UBR3: variants seen among roughly 807,000 people sequenced by gnomAD.
UBR3 encodes the protein E3 ubiquitin-protein ligase UBR3.
UBR3 carries 85 observed loss-of-function variants against 243.2 expected under a neutral mutation model. The ratio of observed to expected loss-of-function variants is 0.35; its 90% CI spans 0.29 to 0.42. UBR3 has a LOEUF of 0.42. Ranked by LOEUF, UBR3 falls within the 10% of genes least tolerant of loss-of-function variation. The probability of loss-of-function intolerance (pLI) is 1.00; values close to 1 mark genes in which losing one functional copy is unlikely to be tolerated. For synonymous variants in UBR3, 748 were observed against 799.8 expected (o/e 0.94, Z 1.09); for missense variants, 1,686 against 2,300.8 (o/e 0.73, Z 5.47).
At chr2:170,075,559 A>G (rs2091789892) in intron 36 of UBR3, among the ~76,000 whole-genome samples, 1 of 152,188 alleles carries the variant, frequency 6.6e-6, no homozygotes, top group Non-Finnish European at 1.5e-5. Flanking sequence ...GAGGCAGTGT[A>G]GTAGACATTT....
intron 7 of UBR3, 105 bp from the exon 8 acceptor site, chr2:169,896,402 A>G (rs1030007371): frequency 9.0e-6 from 6 of 668,446 alleles, no homozygotes; most frequent in South Asian, 3.7e-5. Context: ...GGGCATTATT[A>G]TAAATTAGTA....
chr2:169,986,583 A>C lies in UBR3; in HGVS notation c.3635-62A>C, dbSNP rs771371118. On this transcript the variant is annotated intron_variant, in intron 24 of 38. Transcript: ENST00000272793. ...TGTTTGAACTTGATTTTTCTCTCAC[A>C]CTTTCATTGAAGAGAGATTTTCCTC... The C allele has an allele frequency of 2.0e-6, 3 of 1,503,434 alleles. No individual in the cohort carries two copies. The African/African-American group carries it at 4.2e-5, about 21-fold the overall frequency. The allele number at this position is 1,503,434 out of a possible 1,614,324, so 93.1% of individuals were successfully genotyped here. A position where few individuals can be genotyped will look rare whatever the true frequency, so the allele number is the denominator to read the frequency against.
At chr2:170,073,280 T>G in intron 35 of UBR3, 148 bp from the exon 36 acceptor site, 1 of 786,230 alleles carries the variant, frequency 1.3e-6, no homozygotes, top group South Asian at 1.7e-5. Flanking sequence ...TTCTCTCTTG[T>G]TTCTCTTACT....
chr2:169,938,274 C>CTTT (rs113623124), intron 19 of UBR3, among the ~76,000 whole-genome samples: 2 of 141,910 alleles, frequency 1.4e-5, no homozygotes. Flanking sequence ...TTTCTTTCTC[C>CTTT]TTTTTTTTTT....
intron 24 of UBR3, among the ~76,000 whole-genome samples, chr2:169,977,394 C>CG (rs1308256035): frequency 6.6e-6 from 1 of 152,054 alleles, no homozygotes; most frequent in East Asian, 1.9e-4. Flanking sequence ...ATCTGCAAGC[C>CG]GGGGGATGAG....
intron 32 of UBR3, among the ~76,000 whole-genome samples, chr2:170,041,752 G>A (rs540792555): frequency 1.3e-5 from 2 of 152,152 alleles, no homozygotes; most frequent in African/African-American, 4.8e-5. Context: ...TTGTTCCTGG[G>A]GAAGACATTG....
At chr2:170,029,473 T>C (rs1054146520) in intron 31 of UBR3, 25 bp downstream of exon 31, 46 of 1,546,266 alleles carry the variant, frequency 3.0e-5, no homozygotes, top group Non-Finnish European at 4.0e-5. Flanking sequence ...AAGACTAAAA[T>C]CAATTAAAAC....
intron 31 of UBR3, among the ~76,000 whole-genome samples, chr2:170,036,867 A>G (rs2090845681): frequency 6.6e-6 from 1 of 152,030 alleles, no homozygotes; most frequent in East Asian, 1.9e-4. Flanking sequence ...ATCAGACCTT[A>G]TATTTCTTAT....
chr2:169,856,216 G>A (rs909122615), intron 1 of UBR3, among the ~76,000 whole-genome samples: 6 of 150,048 alleles, frequency 4.0e-5, no homozygotes, highest in African/African-American at 1.5e-4. Flanking sequence ...GGGCAGAGGC[G>A]CTCCTCACAT....
intron 31 of UBR3, among the ~76,000 whole-genome samples, chr2:170,038,596 G>A (rs2090888110): frequency 6.6e-6 from 1 of 152,164 alleles, no homozygotes; most frequent in Non-Finnish European, 1.5e-5. Context: ...AGGAAGTAGA[G>A]ATAGAGTCAT....
At chr2:170,055,046 C>T (rs1574458500) in intron 32 of UBR3, among the ~76,000 whole-genome samples, 8 of 152,276 alleles carry the variant, frequency 5.3e-5, no homozygotes, top group Admixed American at 5.2e-4. Context: ...TCTCTAACCC[C>T]AGCTCTTTGG....
intron 22 of UBR3, among the ~76,000 whole-genome samples, chr2:169,948,314 G>T (rs1450594961): frequency 6.6e-6 from 1 of 151,978 alleles, no homozygotes; most frequent in East Asian, 1.9e-4. Context: ...ATTGCTAGCA[G>T]CATGCTCATT....
rs1315636637 is a variant in UBR3, at chr2:169,906,116, G to A, written c.1731G>A (p.Glu577=). 6.4e-7 allele frequency: 1 copy of A among 1,551,394 alleles called. No homozygotes were observed. The highest frequency in any genetic ancestry group is 1.4e-5 in the African/African-American group (1 of 73,032). ...ATGCTGCCTTTGCTGCTGAACTTGA[G>A]GCCTGTGCACAGCCAATGTGGGGGC... ...TYYAAFAAEL[E]ACAQPMWGLL... Residue 577 remains glutamate, a synonymous_variant, in exon 10 of 39, where the codon GAG becomes GAA. Coordinates refer to ENST00000272793, the MANE Select transcript of UBR3 (RefSeq NM_172070.4).
At chr2:170,069,041 T>C (rs568844327) in intron 35 of UBR3, among the ~76,000 whole-genome samples, 2 of 152,242 alleles carry the variant, frequency 1.3e-5, no homozygotes, top group South Asian at 4.1e-4. Context: ...TGTGGTAAAC[T>C]CTGAGACATT....
At chr2:170,046,701 A>T (rs1012805893) in intron 32 of UBR3, among the ~76,000 whole-genome samples, 3 of 152,204 alleles carry the variant, frequency 2.0e-5, no homozygotes, top group Admixed American at 6.5e-5. Flanking sequence ...AGTGGAATTC[A>T]TAAAACTAAA....
chr2:169,839,361 G>A (rs952579162), intron 1 of UBR3, among the ~76,000 whole-genome samples: 4 of 152,144 alleles, frequency 2.6e-5, no homozygotes, highest in African/African-American at 7.2e-5. Flanking sequence ...TTACCAGAGG[G>A]AAGGGTAGAA....
chr2:169,991,631 G>A (rs1284519907), intron 25 of UBR3, among the ~76,000 whole-genome samples: 1 of 152,092 alleles, frequency 6.6e-6, no homozygotes, highest in Non-Finnish European at 1.5e-5. Flanking sequence ...CATGCAGGCT[G>A]GAGTGCAGTG....
rs150872904 is a variant in UBR3 at position 170,013,176 on chromosome 2, A to G, written c.4368-2105A>G. ...TCATTGAGGAGGAAAGAAACATAAT[A>G]TTGCTGTGTGATTTTCAGCAGTCGG... On this transcript the variant is annotated intron_variant, in intron 29 of 38. Coordinates refer to ENST00000272793, the MANE Select transcript of UBR3 (RefSeq NM_172070.4). 2.8e-3 allele frequency among the ~76,000 whole-genome samples: 431 copies of G among 152,242 alleles called. 4 individuals are homozygous for G. Among genetic ancestry groups the G allele is most frequent in the Non-Finnish European group, 2.4e-3 (164 of 68,016 alleles).
intron 25 of UBR3, among the ~76,000 whole-genome samples, chr2:169,991,652 G>A (rs561671664): frequency 6.6e-6 from 1 of 152,004 alleles, no homozygotes; most frequent in East Asian, 1.9e-4. Context: ...GCGTGGTCTC[G>A]GCTCACTGCA....
Sources: gnomAD v4.1 joint callset for allele counts (sites outside exome capture counted in the v4.1 genomes callset) on GRCh38, gnomAD v4.1.1 for gene constraint, MANE v1.5 for transcripts, NCBI Gene and HGNC (gene_info 2026-07-23, HGNC 2026-07-21) for gene names.